The following SLC38A12 variants were observed in gnomAD, a reference collection of about 807,000 sequenced individuals.
The protein encoded by SLC38A12 is solute carrier family 38 member 12, also known as putative sodium-coupled neutral amino acid transporter 12.
chr17:74,778,564 T>C, the SLC38A12 span, among the ~76,000 whole-genome samples: 5 of 151,946 alleles, frequency 3.3e-5, no homozygotes, highest in Admixed American at 6.6e-5. Context: ...GTCTTCCTAT[T>C]GGGCCTGTGC....
At chr17:74,798,000 C>T in the SLC38A12 span, among the ~76,000 whole-genome samples, 1 of 152,222 alleles carries the variant, frequency 6.6e-6, no homozygotes, top group Non-Finnish European at 1.5e-5. Context: ...GGATGCCACA[C>T]TGCCTCTCAC....
At chr17:74,788,610 C>T in the SLC38A12 span, among the ~76,000 whole-genome samples, 1 of 152,234 alleles carries the variant, frequency 6.6e-6, no homozygotes, top group African/African-American at 2.4e-5. Flanking sequence ...TCACTATAGA[C>T]AGCAACGTCA....
At chr17:74,825,284 C>T in the SLC38A12 span, among the ~76,000 whole-genome samples, 1 of 152,228 alleles carries the variant, frequency 6.6e-6, no homozygotes, top group African/African-American at 2.4e-5. Context: ...TGGGCTGTTC[C>T]GTGTCCAGTC....
chr17:74,790,222 C>A, the SLC38A12 span: 3 of 1,614,112 alleles, frequency 1.9e-6, no homozygotes, highest in Non-Finnish European at 2.5e-6. Context: ...GACGACTCCT[C>A]CACAGCCTCA....
the SLC38A12 span, chr17:74,794,884 A>C: frequency 7.9e-6 from 6 of 762,730 alleles, no homozygotes; most frequent in Middle Eastern, 5.6e-4. Context: ...CTTTTTGTAG[A>C]AAGTAAACAG....
the SLC38A12 span, among the ~76,000 whole-genome samples, chr17:74,782,656 C>G: frequency 6.6e-6 from 1 of 152,182 alleles, no homozygotes; most frequent in African/African-American, 2.4e-5. Context: ...AGAAGACCAG[C>G]AATGGGCTGT....
chr17:74,806,876 G>A, the SLC38A12 span, among the ~76,000 whole-genome samples: 5 of 152,058 alleles, frequency 3.3e-5, no homozygotes, highest in Admixed American at 6.5e-5. Flanking sequence ...GCTCCATGAC[G>A]AGGGACAGCC....
chr17:74,806,865 G>A, the SLC38A12 span, among the ~76,000 whole-genome samples: 1 of 152,178 alleles, frequency 6.6e-6, no homozygotes, highest in East Asian at 1.9e-4. Context: ...CCCGCCCCAC[G>A]GCTCCATGAC....
chr17:74,791,132 C>T, the SLC38A12 span: 1 of 1,103,646 alleles, frequency 9.1e-7, no homozygotes, highest in Non-Finnish European at 1.3e-6. Flanking sequence ...CCCTGACAGC[C>T]AGACCATGGG....
At chr17:74,832,798 C>T in the SLC38A12 span, among the ~76,000 whole-genome samples, 2 of 152,236 alleles carry the variant, frequency 1.3e-5, no homozygotes, top group Admixed American at 6.5e-5. Flanking sequence ...ACTCTGGAAT[C>T]ACCTCCCAAG....
chr17:74,822,994 C>T, the SLC38A12 span, among the ~76,000 whole-genome samples: 1 of 152,334 alleles, frequency 6.6e-6, no homozygotes, highest in East Asian at 1.9e-4. Context: ...CGAGAACCAC[C>T]CTAAAGGCAG....
At chr17:74,791,456 C>T in the SLC38A12 span, among the ~76,000 whole-genome samples, 1 of 152,226 alleles carries the variant, frequency 6.6e-6, no homozygotes, top group Non-Finnish European at 1.5e-5. Context: ...CAGTGGAGGT[C>T]AGGAACCTGA....
chr17:74,781,673 T>G, the SLC38A12 span, among the ~76,000 whole-genome samples: 1 of 152,214 alleles, frequency 6.6e-6, no homozygotes, highest in African/African-American at 2.4e-5. Flanking sequence ...TTTCCCTTCA[T>G]AAGTATTACT....
chr17:74,834,466 G>C, the SLC38A12 span, among the ~76,000 whole-genome samples: 2 of 152,150 alleles, frequency 1.3e-5, no homozygotes, highest in Admixed American at 1.3e-4. Context: ...AGGCAGTTCT[G>C]ATTAAAAGTA....
the SLC38A12 span, chr17:74,819,752 GA>G: frequency 6.2e-7 from 1 of 1,614,060 alleles, no homozygotes; most frequent in Non-Finnish European, 8.5e-7. Context: ...TCCCCCAGGC[GA>G]TCTTCACTCT....
the SLC38A12 span, among the ~76,000 whole-genome samples, chr17:74,784,076 TG>T: frequency 2.7e-5 from 4 of 149,860 alleles, no homozygotes; most frequent in African/African-American, 7.3e-5. Flanking sequence ...TCTGGGAGAA[TG>T]GGCACCAATT....
the SLC38A12 span, chr17:74,837,452 G>A: frequency 1.0e-6 from 1 of 985,550 alleles, no homozygotes; most frequent in Non-Finnish European, 1.2e-6. Context: ...TGCCCTCGCT[G>A]CCCCACTGGA....
At chr17:74,817,872 C>G in the SLC38A12 span, among the ~76,000 whole-genome samples, 1 of 152,144 alleles carries the variant, frequency 6.6e-6, no homozygotes, top group East Asian at 1.9e-4. Context: ...CTCCAGCCCC[C>G]ACAGCTGGAG....
At chr17:74,782,957 G>A in the SLC38A12 span, among the ~76,000 whole-genome samples, 15 of 152,158 alleles carry the variant, frequency 9.9e-5, no homozygotes, top group African/African-American at 1.9e-4. Flanking sequence ...ATGGTGAAAC[G>A]CTGTCTCTAC....
Sources: allele counts gnomAD v4.1 joint callset (sites outside exome capture counted in the v4.1 genomes callset), GRCh38; gene constraint gnomAD v4.1.1; transcripts MANE v1.5; gene names NCBI Gene and HGNC (gene_info 2026-07-23, HGNC 2026-07-21).